FBLN7: variants seen among roughly 807,000 people sequenced by gnomAD.
FBLN7 encodes the protein fibulin 7, also known as fibulin-7.
In FBLN7, 31 loss-of-function variants were observed where a neutral mutation model predicts 44.0. That is an observed-to-expected ratio of 0.70 (90% CI 0.53 to 0.95). The LOEUF (loss-of-function observed/expected upper bound fraction) is 0.95. Among genes scored for constraint, FBLN7 ranks in the 40% least tolerant of loss-of-function variants. FBLN7 has a pLI of 0.00. For synonymous variants in FBLN7, 262 were observed against 253.4 expected (o/e 1.03, Z -0.32); for missense variants, 573 against 618.5 (o/e 0.93, Z 0.78).
rs200744418 is a variant in FBLN7 at position 112,165,119 on chromosome 2, C to G, written c.354C>G (p.Ser118Arg). 1 of 1,614,070 alleles carries G rather than the reference C, an allele frequency of 6.2e-7. No individual in the cohort carries two copies. The highest frequency in any genetic ancestry group is 8.5e-7 in the Non-Finnish European group (1 of 1,180,034). Reference sequence around the variant, plus strand: ...GGTTCCGGCTGGTCGGGCCCAGCAGCGTGGTGTGTCTTCCCAATGGCACCT... The same window carrying G: ...GGTTCCGGCTGGTCGGGCCCAGCAGGGTGGTGTGTCTTCCCAATGGCACCT... ...NPGFRLVGPS[S>R]VVCLPNGTWT... is the part of the protein sequence containing the mutation. Residue 118 changes from serine (S) to arginine (R), a missense_variant, in exon 3 of 8, where the codon AGC becomes AGG. Physicochemically the swap from Ser to Arg is moderately radical, Grantham distance 110. Transcript: ENST00000331203.
intron 3 of FBLN7, among the ~76,000 whole-genome samples, chr2:112,171,993 T>C (rs1032861766): frequency 6.6e-6 from 1 of 152,302 alleles, no homozygotes; most frequent in South Asian, 2.1e-4. Flanking sequence ...ATGATCCGCC[T>C]GCCTCGGCCT....
At chr2:112,168,269 G>C (rs1682273801) in intron 3 of FBLN7, among the ~76,000 whole-genome samples, 1 of 152,148 alleles carries the variant, frequency 6.6e-6, no homozygotes. Context: ...CCCACCTTCG[G>C]GATGCCTACT....
In FBLN7 at chr2:112,175,732, G is replaced by A. The variant is rs1418381995; in HGVS notation, c.425G>A (p.Ser142Asn). 1 of 1,614,210 alleles carries A rather than the reference G, an allele frequency of 6.2e-7. No homozygotes were observed. The highest frequency in any genetic ancestry group is 1.7e-5 in the Admixed American group (1 of 60,030). ...PHCRGISECS[S>N]QPCQNGGTCV... ...TTCCTAGGTATCAGTGAATGCTCCA[G>A]CCAGCCTTGTCAAAATGGTGGTACA... Residue 142 changes from serine to asparagine, a missense_variant, in exon 4 of 8, where the codon AGC becomes AAC. Transcript: ENST00000331203.
chr2:112,173,808 C>T (rs899472277), intron 3 of FBLN7, among the ~76,000 whole-genome samples: 10 of 152,174 alleles, frequency 6.6e-5, no homozygotes, highest in African/African-American at 2.4e-4. Context: ...GAGTGGGTGC[C>T]GGGCTGGACA....
rs1478458034 is a variant in FBLN7, at chr2:112,178,267, AACCAAAAG to A, written c.532+2430_532+2437del. Among the ~76,000 whole-genome samples, 14 of 151,680 alleles carry A rather than the reference AACCAAAAG, an allele frequency of 9.2e-5. No individual in the cohort carries two copies. In the East Asian group the frequency reaches 2.3e-3, roughly 25 times the overall value. On this transcript the variant is annotated intron_variant, in intron 4 of 7. Coordinates refer to ENST00000331203, the MANE Select transcript of FBLN7 (RefSeq NM_153214.3). ...AAAGTACAAGAAATACAAAAAAAAAAACCAAAAGAAAACAAACAAAAAAAAACCAGGAA... is the reference window on the plus strand; with the variant it reads ...AAAGTACAAGAAATACAAAAAAAAAAAAAACAAACAAAAAAAAACCAGGAA...
At chr2:112,174,368 T>C (rs914967935) in intron 3 of FBLN7, among the ~76,000 whole-genome samples, 5 of 152,220 alleles carry the variant, frequency 3.3e-5, no homozygotes, top group Non-Finnish European at 4.4e-5. Context: ...GTGGTCTGTC[T>C]TTTTGCAACA....
At chr2:112,223,790 G>GTAAC in the FBLN7 span, among the ~76,000 whole-genome samples, 1 of 152,160 alleles carries the variant, frequency 6.6e-6, no homozygotes, top group Non-Finnish European at 1.5e-5. Context: ...AGAGAATAAT[G>GTAAC]TAACTACGAA....
the FBLN7 span, among the ~76,000 whole-genome samples, chr2:112,209,798 G>A: frequency 3.7e-4 from 56 of 152,252 alleles, no homozygotes; most frequent in South Asian, 0.011. Flanking sequence ...CAAGCAGAGT[G>A]AGGAGGCCAT....
At position 112,175,796 on chromosome 2, in the gene FBLN7, T is replaced by C; in HGVS notation, c.489T>C (p.Pro163=). Residue 163 remains proline, a synonymous_variant, in exon 4 of 8, where the codon CCT becomes CCC. Transcript: ENST00000331203. ...TCAACCAGTACAGATGCATTTGTCC[T>C]CCAGGAAGGACTGGGAACCGCTGTC... ...EGVNQYRCIC[P]PGRTGNRCQH... is the part of the protein sequence containing the mutation. The C allele has an allele frequency of 6.2e-7, 1 of 1,614,162 alleles. No homozygotes were observed. Among genetic ancestry groups the C allele is most frequent in the Middle Eastern group, 1.6e-4 (1 of 6,062 alleles).
At chr2:112,144,420 T>A (rs943191005) in intron 1 of FBLN7, among the ~76,000 whole-genome samples, 5 of 152,246 alleles carry the variant, frequency 3.3e-5, no homozygotes, top group African/African-American at 1.2e-4. Flanking sequence ...TGCACTTTTT[T>A]GATTCTAAAT....
intron 5 of FBLN7, among the ~76,000 whole-genome samples, chr2:112,182,218 A>T (rs1219167336): frequency 6.6e-6 from 1 of 152,140 alleles, no homozygotes; most frequent in African/African-American, 2.4e-5. Flanking sequence ...GTGTTGGTAG[A>T]GCGGGCCCGG....
At chr2:112,197,043 G>A in the FBLN7 span, among the ~76,000 whole-genome samples, 1 of 151,970 alleles carries the variant, frequency 6.6e-6, no homozygotes, top group East Asian at 1.9e-4. Context: ...CTCCCACCAG[G>A]TCCCTCCCAT....
At chr2:112,229,250 G>A in the FBLN7 span, among the ~76,000 whole-genome samples, 1 of 152,044 alleles carries the variant, frequency 6.6e-6, no homozygotes, top group African/African-American at 2.4e-5. Context: ...GTGGGAAAAA[G>A]GGAACAACAA....
At chr2:112,143,582 A>G (rs565917127) in intron 1 of FBLN7, among the ~76,000 whole-genome samples, 21 of 152,286 alleles carry the variant, frequency 1.4e-4, no homozygotes, top group Middle Eastern at 6.8e-3. Flanking sequence ...ACTATATTCT[A>G]TGTGTGGCAA....
chr2:112,225,779 T>G, the FBLN7 span, among the ~76,000 whole-genome samples: 1 of 151,888 alleles, frequency 6.6e-6, no homozygotes, highest in Non-Finnish European at 1.5e-5. Flanking sequence ...ATCATGCCAC[T>G]GCACTCCAGC....
At chr2:112,162,280 G>C (rs982790363) in intron 2 of FBLN7, among the ~76,000 whole-genome samples, 2 of 151,408 alleles carry the variant, frequency 1.3e-5, no homozygotes, top group Admixed American at 6.6e-5. Flanking sequence ...AAAGTGCTGG[G>C]ATTACAGGCG....
rs1296867948 is a variant in FBLN7, at chr2:112,181,937, G to A, written c.670+61G>A. ...ACGGGGAGGACATGGGGCGGGGAAG[G>A]GGCTCTCACCCACCGCCCTCCTGCC... On this transcript the variant is annotated intron_variant, in intron 5 of 7. Transcript: ENST00000331203. 8.0e-6 allele frequency: 12 copies of A among 1,497,706 alleles called. No individual in the cohort carries two copies. The African/African-American group carries it at 1.1e-4, about 14-fold the overall frequency. The allele number at this position is 1,497,706 out of a possible 1,614,324, so 92.8% of individuals were successfully genotyped here.
chr2:112,200,962 G>A, the FBLN7 span, among the ~76,000 whole-genome samples: 1 of 152,226 alleles, frequency 6.6e-6, no homozygotes, highest in African/African-American at 2.4e-5. Context: ...TATTGAGCAA[G>A]TGCCTTTTAT....
chr2:112,154,809 C>T (rs532801809), intron 1 of FBLN7, among the ~76,000 whole-genome samples: 1 of 152,246 alleles, frequency 6.6e-6, no homozygotes, highest in Admixed American at 6.5e-5. Context: ...ACAACTGTGG[C>T]TGTGGGCAAG....
Sources: allele counts gnomAD v4.1 joint callset (sites outside exome capture counted in the v4.1 genomes callset), GRCh38; gene constraint gnomAD v4.1.1; transcripts MANE v1.5; gene names NCBI Gene and HGNC (gene_info 2026-07-23, HGNC 2026-07-21).